CDH12: variants seen among roughly 807,000 people sequenced by gnomAD.
CDH12 encodes cadherin 12.
Under a neutral mutation model 74.1 loss-of-function variants are expected in CDH12, and 41 were observed. The ratio of observed to expected loss-of-function variants is 0.55; its 90% confidence interval spans 0.43 to 0.72. CDH12 has a LOEUF of 0.72. Ranked by LOEUF, CDH12 falls within the 30% of genes least tolerant of loss-of-function variation. The probability of loss-of-function intolerance (pLI) is 0.00; values close to 1 mark genes in which losing one functional copy is unlikely to be tolerated. For synonymous variants in CDH12, 399 were observed against 355.0 expected (o/e 1.12, Z -1.39); for missense variants, 945 against 977.2 (o/e 0.97, Z 0.44).
chr5:21,839,589 T>C (rs1318899901), intron 8 of CDH12, among the ~76,000 whole-genome samples: 2 of 152,090 alleles, frequency 1.3e-5, no homozygotes, highest in African/African-American at 4.8e-5. Flanking sequence ...TATAGGTTTA[T>C]GATTTTAAGA....
intron 2 of CDH12, among the ~76,000 whole-genome samples, chr5:22,493,240 C>G (rs1224304033): frequency 6.6e-6 from 1 of 152,098 alleles, no homozygotes; most frequent in African/African-American, 2.4e-5. Flanking sequence ...CATCAACTTC[C>G]TTGATTGGCT....
intron 3 of CDH12, among the ~76,000 whole-genome samples, chr5:22,375,054 T>C (rs1741462071): frequency 6.6e-6 from 1 of 152,002 alleles, no homozygotes; most frequent in Non-Finnish European, 1.5e-5. Context: ...ACAAAATATA[T>C]TATAAAGCTA....
chr5:22,121,715 G>A (rs1441790730), intron 4 of CDH12, among the ~76,000 whole-genome samples: 4 of 151,808 alleles, frequency 2.6e-5, no homozygotes, highest in African/African-American at 9.7e-5. Context: ...CATATAAAGG[G>A]CTATTAAATT....
At chr5:22,153,752 T>C (rs1747775056) in intron 4 of CDH12, among the ~76,000 whole-genome samples, 1 of 148,988 alleles carries the variant, frequency 6.7e-6, no homozygotes, top group Non-Finnish European at 1.5e-5. Flanking sequence ...TAAAACATGT[T>C]CATTGCAACA....
chr5:21,984,563 A>G (rs1375348604), intron 5 of CDH12, among the ~76,000 whole-genome samples: 1 of 152,060 alleles, frequency 6.6e-6, no homozygotes, highest in Non-Finnish European at 1.5e-5. Context: ...TCTTTCACCT[A>G]TGTGCAATGT....
intron 4 of CDH12, among the ~76,000 whole-genome samples, chr5:22,155,677 A>G (rs965394248): frequency 1.2e-4 from 18 of 152,232 alleles, no homozygotes; most frequent in South Asian, 2.1e-4. Flanking sequence ...AGTTATTTTT[A>G]TACAGAACAG....
intron 4 of CDH12, among the ~76,000 whole-genome samples, chr5:22,162,806 T>G (rs1288375231): frequency 6.6e-6 from 1 of 152,188 alleles, no homozygotes; most frequent in South Asian, 2.1e-4. Flanking sequence ...AATATTTTAT[T>G]TTCCCTTACC....
At chr5:22,036,198 T>G (rs2150178532) in intron 5 of CDH12, among the ~76,000 whole-genome samples, 1 of 152,324 alleles carries the variant, frequency 6.6e-6, no homozygotes, top group Admixed American at 6.5e-5. Context: ...TATCAATTTT[T>G]TTAGCCTTGG....
chr5:22,690,588 A>G (rs1164674801), intron 1 of CDH12, among the ~76,000 whole-genome samples: 1 of 152,180 alleles, frequency 6.6e-6, no homozygotes, highest in Non-Finnish European at 1.5e-5. Flanking sequence ...GATATAACAT[A>G]AGGAACAGAA....
At chr5:22,644,688 A>G (rs1739345376) in intron 1 of CDH12, among the ~76,000 whole-genome samples, 1 of 151,834 alleles carries the variant, frequency 6.6e-6, no homozygotes, top group African/African-American at 2.4e-5. Context: ...TTCAATGTAG[A>G]TGAACTAGCC....
intron 3 of CDH12, among the ~76,000 whole-genome samples, chr5:22,317,223 C>G (rs1174825189): frequency 6.6e-6 from 1 of 151,980 alleles, no homozygotes; most frequent in East Asian, 1.9e-4. Context: ...GAGGCTGACA[C>G]AGGAGAATGG....
intron 1 of CDH12, among the ~76,000 whole-genome samples, chr5:22,670,490 C>T (rs1740848894): frequency 6.6e-6 from 1 of 152,052 alleles, no homozygotes; most frequent in Non-Finnish European, 1.5e-5. Context: ...TTCTAGCTCA[C>T]TTCTATATAT....
chr5:22,415,550 G>A (rs1743347411), intron 2 of CDH12, among the ~76,000 whole-genome samples: 1 of 152,140 alleles, frequency 6.6e-6, no homozygotes. Flanking sequence ...GGATTCCTAT[G>A]AATACTATTC....
At chr5:21,816,485 C>T (rs1461702144) in intron 9 of CDH12, among the ~76,000 whole-genome samples, 3 of 150,920 alleles carry the variant, frequency 2.0e-5, no homozygotes, top group African/African-American at 7.3e-5. Context: ...ACTAGCCGGG[C>T]GTGGTGGTGC....
chr5:22,827,912 G>T lies in CDH12; in HGVS notation c.-523+25146C>A, dbSNP rs188924951. On this transcript the variant is annotated intron_variant, in intron 1 of 14. Transcript: ENST00000382254. ...TTCTTCTTTGAGTTCTTATTCATTG[G>T]GCTTAGCATATTGTTAACAAGCACT... 2.8e-3 allele frequency among the ~76,000 whole-genome samples: 423 copies of T among 151,786 alleles called. 2 individuals carry two copies. The highest frequency in any genetic ancestry group is 4.5e-3 in the Non-Finnish European group (303 of 67,890).
rs188404275 is a variant in CDH12, at chr5:22,227,042, C to T, written c.-332-14399G>A. 3.9e-4 allele frequency among the ~76,000 whole-genome samples: 59 copies of T among 152,196 alleles called. 1 individual carries two copies. In the East Asian group the frequency reaches 8.7e-3, roughly 22 times the overall value. On this transcript the variant is annotated intron_variant, in intron 3 of 14. Coordinates refer to ENST00000382254, the MANE Select transcript of CDH12 (RefSeq NM_004061.5). ...CATAGATGATGTTTCAGCAATACCA[C>T]GTGTATTCTTATTCCATTTTAATTT...
In CDH12 at chr5:22,005,707, A is replaced by G. The variant is rs376666454; in HGVS notation, c.232-30322T>C. ...AGAGCAGAGATATTGCCTGTTTTAC[A>G]CTGCAAATATACCCAAACCACTCAA... On this transcript the variant is annotated intron_variant, in intron 5 of 14. Transcript: ENST00000382254. Among the ~76,000 whole-genome samples, 14 of 152,250 alleles carry G rather than the reference A, an allele frequency of 9.2e-5. No homozygotes were observed. In the East Asian group the frequency reaches 2.1e-3, roughly 23 times the overall value.
chr5:22,323,650 A>C lies in CDH12; in HGVS notation c.-333+81607T>G, dbSNP rs1385370739. 2.0e-5 allele frequency among the ~76,000 whole-genome samples: 3 copies of C among 152,214 alleles called. No individual in the cohort carries two copies. The East Asian group carries it at 5.8e-4, about 29-fold the overall frequency. On this transcript the variant is annotated intron_variant, in intron 3 of 14. Transcript: ENST00000382254. ...ATCGCCACATGACTAGTGCTCTGTA[A>C]GTACAAGGCCCAGGGAAGACAGAAA...
intron 6 of CDH12, among the ~76,000 whole-genome samples, chr5:21,949,923 T>C (rs1271669051): frequency 6.6e-6 from 1 of 152,184 alleles, no homozygotes; most frequent in Non-Finnish European, 1.5e-5. Context: ...AAATTCAGTG[T>C]TTATAAAGTC....
Sources: allele counts gnomAD v4.1 joint callset (sites outside exome capture counted in the v4.1 genomes callset), GRCh38; gene constraint gnomAD v4.1.1; transcripts MANE v1.5; gene names NCBI Gene and HGNC (gene_info 2026-07-23, HGNC 2026-07-21).